Variants in ANKS1B observed in about 807,000 individuals in gnomAD.
ANKS1B encodes the protein ankyrin repeat and sterile alpha motif domain containing 1B, also known as ankyrin repeat and sterile alpha motif domain-containing protein 1B.
A neutral mutation model predicts 148.3 loss-of-function variants in ANKS1B; 36 were observed. The ratio of observed to expected loss-of-function variants is 0.24; its 90% CI spans 0.19 to 0.32. The LOEUF (loss-of-function observed/expected upper bound fraction) is 0.32, where lower values mean the gene tolerates loss of function less well. Among genes scored for constraint, ANKS1B ranks in the 10% least tolerant of loss-of-function variants. ANKS1B has a pLI of 1.00. For missense variants in ANKS1B, 1,157 were observed against 1,542.6 expected (o/e 0.75, Z 4.19); for synonymous variants, 542 against 560.8 (o/e 0.97, Z 0.47).
At chr12:98,972,028 C>T (rs891422901) in intron 17 of ANKS1B, among the ~76,000 whole-genome samples, 8 of 152,130 alleles carry the variant, frequency 5.3e-5, no homozygotes, top group Middle Eastern at 3.4e-3. Context: ...ATTAGCCGGG[C>T]GTGGTGGCGT....
intron 17 of ANKS1B, among the ~76,000 whole-genome samples, chr12:98,946,171 C>T (rs2099845264): frequency 6.6e-6 from 1 of 152,270 alleles, no homozygotes; most frequent in Admixed American, 6.5e-5. Context: ...CTAGGTAAAG[C>T]GTCCTCATCC....
At chr12:98,957,204 C>T (rs2099863659) in intron 17 of ANKS1B, among the ~76,000 whole-genome samples, 1 of 152,166 alleles carries the variant, frequency 6.6e-6, no homozygotes, top group Non-Finnish European at 1.5e-5. Flanking sequence ...TTTTCCCATG[C>T]TCCTTGGGCT....
intron 14 of ANKS1B, among the ~76,000 whole-genome samples, chr12:99,216,984 C>G (rs2084304465): frequency 6.6e-6 from 1 of 152,102 alleles, no homozygotes; most frequent in South Asian, 2.1e-4. Flanking sequence ...ATGGACATAG[C>G]TGAAGACATT....
At chr12:99,711,820 A>G (rs994637576) in intron 8 of ANKS1B, among the ~76,000 whole-genome samples, 2 of 152,184 alleles carry the variant, frequency 1.3e-5, no homozygotes, top group Admixed American at 1.3e-4. Flanking sequence ...CAGAAATACA[A>G]TTCAACCCAG....
At chr12:99,834,831 T>C (rs893771271) in intron 1 of ANKS1B, among the ~76,000 whole-genome samples, 13 of 152,304 alleles carry the variant, frequency 8.5e-5, no homozygotes, top group African/African-American at 2.6e-4. Flanking sequence ...GCATCAGATA[T>C]GGAAATTCAT....
chr12:99,955,921 T>C (rs764098612), intron 1 of ANKS1B, among the ~76,000 whole-genome samples: 5 of 151,886 alleles, frequency 3.3e-5, no homozygotes, highest in Non-Finnish European at 7.4e-5. Flanking sequence ...CTAAAGAAAA[T>C]TGTAAAAGAA....
At chr12:99,179,104 T>G (rs2078776821) in intron 14 of ANKS1B, among the ~76,000 whole-genome samples, 1 of 152,096 alleles carries the variant, frequency 6.6e-6, no homozygotes, top group Non-Finnish European at 1.5e-5. Flanking sequence ...TGACTAAGTG[T>G]GATGATAGAA....
chr12:98,979,388 C>A (rs761712645), intron 17 of ANKS1B, among the ~76,000 whole-genome samples: 32 of 151,848 alleles, frequency 2.1e-4, no homozygotes, highest in Non-Finnish European at 4.1e-4. Context: ...CTGCCTCAGC[C>A]TCCCAAGAAG....
intron 4 of ANKS1B, among the ~76,000 whole-genome samples, chr12:99,787,225 G>A (rs2065099305): frequency 6.6e-6 from 1 of 152,072 alleles, no homozygotes; most frequent in Admixed American, 6.5e-5. Context: ...CCGGCTGGGA[G>A]GTAATTTACT....
At chr12:99,897,498 T>G (rs1398406873) in intron 1 of ANKS1B, among the ~76,000 whole-genome samples, 1 of 151,240 alleles carries the variant, frequency 6.6e-6, no homozygotes, top group East Asian at 1.9e-4. Flanking sequence ...ACTATTAAAC[T>G]AGTGAAAGCC....
At chr12:99,389,806 T>C (rs545844131) in intron 12 of ANKS1B, among the ~76,000 whole-genome samples, 4 of 152,176 alleles carry the variant, frequency 2.6e-5, no homozygotes, top group Non-Finnish European at 2.9e-5. Flanking sequence ...AAAAAACAGA[T>C]TTTCAACACA....
At chr12:98,852,531 G>A (rs970838583) in intron 17 of ANKS1B, among the ~76,000 whole-genome samples, 7 of 152,148 alleles carry the variant, frequency 4.6e-5, no homozygotes, top group African/African-American at 7.2e-5. Flanking sequence ...GCCTCTTGGA[G>A]TGTTGAGAAA....
intron 9 of ANKS1B, among the ~76,000 whole-genome samples, chr12:99,619,588 C>T (rs1169374827): frequency 6.6e-6 from 1 of 151,866 alleles, no homozygotes; most frequent in Non-Finnish European, 1.5e-5. Context: ...GGTCTCCAGA[C>T]ATAAAGGATA....
At chr12:98,789,123 A>G (rs1240390896) in intron 22 of ANKS1B, among the ~76,000 whole-genome samples, 1 of 152,224 alleles carries the variant, frequency 6.6e-6, no homozygotes, top group Non-Finnish European at 1.5e-5. Context: ...CGGGCAGATC[A>G]CTGAAGATCA....
intron 25 of ANKS1B, among the ~76,000 whole-genome samples, chr12:98,756,499 G>A (rs927974873): frequency 6.6e-6 from 1 of 150,618 alleles, no homozygotes; most frequent in South Asian, 2.1e-4. Flanking sequence ...GATCACTTGA[G>A]GTCAGGAGTT....
chr12:98,884,216 A>C (rs1236679615), intron 17 of ANKS1B, among the ~76,000 whole-genome samples: 1 of 152,252 alleles, frequency 6.6e-6, no homozygotes, highest in Non-Finnish European at 1.5e-5. Flanking sequence ...CAAGATGTAT[A>C]AACTTTCCCA....
intron 12 of ANKS1B, among the ~76,000 whole-genome samples, chr12:99,390,639 T>C (rs889788613): frequency 3.9e-5 from 6 of 152,180 alleles, no homozygotes; most frequent in African/African-American, 1.2e-4. Context: ...GGGTTCCCAA[T>C]CCCATCTAGA....
At chr12:99,909,104 G>T (rs935178512) in intron 1 of ANKS1B, among the ~76,000 whole-genome samples, 1 of 149,934 alleles carries the variant, frequency 6.7e-6, no homozygotes, top group African/African-American at 2.5e-5. Context: ...GTGAGATCAT[G>T]CAGTGTTTTT....
chr12:99,182,263 T>C (rs2079202711), intron 14 of ANKS1B, among the ~76,000 whole-genome samples: 1 of 152,144 alleles, frequency 6.6e-6, no homozygotes, highest in South Asian at 2.1e-4. Flanking sequence ...AATCACCTCC[T>C]ACCAGTTCCC....
Sources: allele counts gnomAD v4.1 joint callset (sites outside exome capture counted in the v4.1 genomes callset), GRCh38; gene constraint gnomAD v4.1.1; transcripts MANE v1.5; gene names NCBI Gene and HGNC (gene_info 2026-07-23, HGNC 2026-07-21).